Variants in LRBA observed in about 807,000 individuals in gnomAD.
LRBA encodes the protein lipopolysaccharide-responsive and beige-like anchor protein.
LRBA carries 176 observed loss-of-function variants against 330.0 expected under a neutral mutation model. The ratio of observed to expected loss-of-function variants is 0.53; its 90% CI spans 0.47 to 0.60. The LOEUF is 0.60. LRBA is among the 20% of genes least tolerant of loss of function. LRBA has a pLI of 0.00. For missense variants in LRBA, 3,259 were observed against 3,444.8 expected (o/e 0.95, Z 1.35); for synonymous variants, 1,230 against 1,193.0 (o/e 1.03, Z -0.64).
chr4:150,525,672 A>G (rs1763384943), intron 40 of LRBA, among the ~76,000 whole-genome samples: 1 of 152,194 alleles, frequency 6.6e-6, no homozygotes, highest in African/African-American at 2.4e-5. Flanking sequence ...TAAGGATAGA[A>G]ATATTTCACA....
intron 23 of LRBA, among the ~76,000 whole-genome samples, chr4:150,851,514 A>G (rs967705447): frequency 2.0e-5 from 3 of 152,242 alleles, no homozygotes; most frequent in Non-Finnish European, 2.9e-5. Context: ...CTAAAATTAT[A>G]CACTGGCAGG....
intron 36 of LRBA, among the ~76,000 whole-genome samples, chr4:150,696,123 G>A (rs1784596357): frequency 6.6e-6 from 1 of 152,136 alleles, no homozygotes; most frequent in Non-Finnish European, 1.5e-5. Context: ...CTAGCTACTT[G>A]GGAGGATGAG....
intron 37 of LRBA, among the ~76,000 whole-genome samples, chr4:150,600,280 C>A (rs1298628124): frequency 6.6e-6 from 1 of 152,076 alleles, no homozygotes; most frequent in Non-Finnish European, 1.5e-5. Flanking sequence ...TACAATCTTA[C>A]TTATATTTCG....
chr4:150,610,972 T>C (rs1206532476), intron 37 of LRBA, among the ~76,000 whole-genome samples: 1 of 152,184 alleles, frequency 6.6e-6, no homozygotes, highest in African/African-American at 2.4e-5. Flanking sequence ...TGTTTTCAAC[T>C]TGTACTAAAA....
intron 47 of LRBA, 98 bp from the exon 48 acceptor site, chr4:150,350,257 T>C: frequency 1.0e-6 from 1 of 959,164 alleles, no homozygotes. Context: ...CTAACTTTAC[T>C]GTGAACAAAG....
At chr4:150,705,153 G>A (rs954236826) in intron 36 of LRBA, among the ~76,000 whole-genome samples, 4 of 152,104 alleles carry the variant, frequency 2.6e-5, no homozygotes, top group African/African-American at 9.7e-5. Context: ...AATAGTACCA[G>A]GGGCTCCTGA....
intron 37 of LRBA, among the ~76,000 whole-genome samples, chr4:150,647,132 C>A (rs1457741255): frequency 2.6e-5 from 4 of 151,706 alleles, no homozygotes; most frequent in African/African-American, 9.7e-5. Context: ...TTTTCCATCA[C>A]ATATAATAAG....
At chr4:150,660,513 C>T (rs561632575) in intron 37 of LRBA, among the ~76,000 whole-genome samples, 368 of 151,288 alleles carry the variant, frequency 2.4e-3, no homozygotes, top group African/African-American at 8.0e-3. Context: ...GGCCAGCCGC[C>T]CTGTCCGGGA....
intron 17 of LRBA, among the ~76,000 whole-genome samples, chr4:150,873,998 T>C (rs755053441): frequency 1.3e-5 from 2 of 152,176 alleles, no homozygotes; most frequent in Non-Finnish European, 2.9e-5. Flanking sequence ...AAAATACTAA[T>C]ATGTTGTATG....
chr4:150,548,372 CTTACTGAATTAAATATAT>C lies in LRBA; in HGVS notation c.6330+39658_6330+39675del, dbSNP rs1377658318. Among the ~76,000 whole-genome samples, 3 of 152,114 alleles carry C rather than the reference CTTACTGAATTAAATATAT, an allele frequency of 2.0e-5. No homozygotes were observed. The East Asian group carries it at 5.8e-4, about 29-fold the overall frequency. Reference sequence around the variant, plus strand: ...GATACAGCTCATACTCAGTTATTCTCTTACTGAATTAAATATATTTAAAGTGCCAAACCTGCTATCTAA... The same window carrying C: ...GATACAGCTCATACTCAGTTATTCTCTTAAAGTGCCAAACCTGCTATCTAA... On this transcript the variant is annotated intron_variant, in intron 40 of 56. Transcript: ENST00000651943.
At chr4:150,283,113 CCT>C (rs1747745223) in intron 54 of LRBA, among the ~76,000 whole-genome samples, 1 of 152,226 alleles carries the variant, frequency 6.6e-6, no homozygotes, top group Admixed American at 6.5e-5. Context: ...GCTCAATCAG[CCT>C]CTGAGTGCCT....
intron 2 of LRBA, among the ~76,000 whole-genome samples, chr4:150,932,777 G>A (rs936662156): frequency 6.6e-5 from 10 of 151,658 alleles, no homozygotes; most frequent in East Asian, 3.9e-4. Flanking sequence ...TTAGCCAGGC[G>A]TGGTGGCAGA....
In LRBA at chr4:150,590,729, A is replaced by T; in HGVS notation, c.6177T>A (p.Asp2059Glu). Reference protein sequence around the residue: ...DDTLSSVDEKDLENLAGPVSL... With the variant: ...DDTLSSVDEKELENLAGPVSL... ...CAAATTTACCGGCAAGATTCTCTAA[A>T]TCTTTCTCATCCACGGATGACAGAG... Residue 2059 changes from aspartate to glutamate, a missense_variant, in exon 39 of 57, where the codon GAT becomes GAA. Asp to Glu is a conservative substitution (Grantham distance 45). Transcript: ENST00000651943. 6.2e-7 allele frequency: 1 copy of T among 1,613,686 alleles called. No individual in the cohort carries two copies. Among genetic ancestry groups the T allele is most frequent in the South Asian group, 1.1e-5 (1 of 90,884 alleles).
chr4:150,868,473 T>C (rs1753017219), intron 20 of LRBA, among the ~76,000 whole-genome samples, 168 bp from the exon 21 acceptor site: 1 of 152,162 alleles, frequency 6.6e-6, no homozygotes, highest in South Asian at 2.1e-4. Flanking sequence ...GACAATACAT[T>C]CATTAGAAAG....
At chr4:150,631,422 A>G (rs1777367156) in intron 37 of LRBA, among the ~76,000 whole-genome samples, 1 of 152,206 alleles carries the variant, frequency 6.6e-6, no homozygotes, top group African/African-American at 2.4e-5. Flanking sequence ...AAGGCATCCA[A>G]TTTAGGAACA....
intron 40 of LRBA, among the ~76,000 whole-genome samples, chr4:150,491,402 G>A (rs896730402): frequency 6.6e-6 from 1 of 152,024 alleles, no homozygotes; most frequent in African/African-American, 2.4e-5. Flanking sequence ...TCAAAAGAAT[G>A]TCATATATGC....
intron 36 of LRBA, among the ~76,000 whole-genome samples, chr4:150,720,158 A>G (rs1195131592): frequency 6.6e-6 from 1 of 152,164 alleles, no homozygotes; most frequent in Non-Finnish European, 1.5e-5. Context: ...AGCCAACAGA[A>G]TATCTGCACA....
At chr4:150,328,957 G>A (rs1733652112) in intron 48 of LRBA, among the ~76,000 whole-genome samples, 1 of 152,116 alleles carries the variant, frequency 6.6e-6, no homozygotes, top group Non-Finnish European at 1.5e-5. Flanking sequence ...GAGATGAAAG[G>A]TTATGGATGA....
At chr4:150,562,424 G>A (rs932848635) in intron 40 of LRBA, among the ~76,000 whole-genome samples, 1 of 152,112 alleles carries the variant, frequency 6.6e-6, no homozygotes, top group Non-Finnish European at 1.5e-5. Context: ...TACTCTCATT[G>A]CTATGGGCAA....
Sources: allele counts gnomAD v4.1 joint callset (sites outside exome capture counted in the v4.1 genomes callset), GRCh38; gene constraint gnomAD v4.1.1; transcripts MANE v1.5; gene names NCBI Gene and HGNC (gene_info 2026-07-23, HGNC 2026-07-21).